Variants in NECAB2 observed in about 807,000 individuals in gnomAD.
The protein encoded by NECAB2 is N-terminal EF-hand calcium binding protein 2.
In NECAB2, 68 loss-of-function variants were observed where a neutral mutation model predicts 51.9. The observed-to-expected ratio is 1.31, with a 90% CI of 1.08 to 1.60. The LOEUF is 1.60. Among genes scored for constraint, NECAB2 ranks in the 40% most tolerant of loss-of-function variants. The pLI is 0.00. For synonymous variants in NECAB2, 329 were observed against 203.5 expected (o/e 1.62, Z -5.25); for missense variants, 854 against 490.3 (o/e 1.74, Z -7.00).
intron 4 of NECAB2, 62 bp downstream of exon 4, chr16:83,980,926 G>A (rs2084479200): frequency 3.7e-6 from 6 of 1,611,608 alleles, no homozygotes; most frequent in Non-Finnish European, 4.2e-6. Flanking sequence ...GATGAGAAGG[G>A]CCTGAGGCAG....
chr16:83,968,168 C>CG (rs1356504273), upstream of NECAB2, among the ~76,000 whole-genome samples: 1 of 151,330 alleles, frequency 6.6e-6, no homozygotes, highest in Non-Finnish European at 1.5e-5. Context: ...GACGGGGCCG[C>CG]GGGGCGTGGG....
intron 2 of NECAB2, among the ~76,000 whole-genome samples, chr16:83,974,544 A>C (rs2084383899): frequency 6.6e-6 from 1 of 152,204 alleles, no homozygotes; most frequent in Admixed American, 6.5e-5. Context: ...TCTGTTATGC[A>C]CCAGGACTTG....
At chr16:84,000,070 TTTA>T (rs1479683494) in intron 10 of NECAB2, among the ~76,000 whole-genome samples, 5 of 133,592 alleles carry the variant, frequency 3.7e-5, no homozygotes, top group African/African-American at 1.7e-4. Flanking sequence ...TTTTTTTTTT[TTTA>T]AAGAGACAGT....
chr16:83,980,567 C>A (rs1244025149), intron 3 of NECAB2, among the ~76,000 whole-genome samples: 1 of 152,132 alleles, frequency 6.6e-6, no homozygotes, highest in Non-Finnish European at 1.5e-5. Context: ...CCCAGCTTGG[C>A]CCTCCCCTTG....
chr16:83,965,932 C>T (rs117872227), upstream of NECAB2: 9,293 of 1,612,462 alleles, frequency 5.8e-3, 33 homozygotes, highest in Non-Finnish European at 7.1e-3. Flanking sequence ...GGGACAACTT[C>T]GTGAGGTTTG....
At chr16:83,971,049 G>A (rs951937851) in intron 1 of NECAB2, among the ~76,000 whole-genome samples, 1 of 151,666 alleles carries the variant, frequency 6.6e-6, no homozygotes, top group Non-Finnish European at 1.5e-5. Context: ...AGCCAAGATC[G>A]CGCCACTGCA....
At position 84,002,468 on chromosome 16, in the gene NECAB2, G is replaced by T. The variant is rs916189724; in HGVS notation, c.*122G>T. 1.3e-5 allele frequency: 18 copies of T among 1,348,070 alleles called. No individual in the cohort carries two copies. In the African/African-American group the frequency reaches 2.5e-4, roughly 19 times the overall value. The allele number at this position is 1,348,070 out of a possible 1,614,324, so 83.5% of individuals were successfully genotyped here. ...CTTTTCAATCCATCCTCCACAAGAAGGTGTTTCCCTGTTGTTAAGTGAAGG... is the reference window on the plus strand; with the variant it reads ...CTTTTCAATCCATCCTCCACAAGAATGTGTTTCCCTGTTGTTAAGTGAAGG... On this transcript the variant is annotated 3_prime_UTR_variant, in exon 13 of 13. Transcript: ENST00000305202.
At chr16:84,002,105 G>A (rs1266178268) in intron 12 of NECAB2, among the ~76,000 whole-genome samples, 189 bp downstream of exon 12, 5 of 152,138 alleles carry the variant, frequency 3.3e-5, no homozygotes, top group Non-Finnish European at 4.4e-5. Context: ...GCCAGAGCTT[G>A]CACCAGAGCA....
Position 84,001,887 on chromosome 16 carries a change from C to G in NECAB2, c.1103C>G (p.Pro368Arg), listed in dbSNP as rs746662101. ...GTCAAGGTGGACACACTGAGCCAGC[C>G]TGAGGCCCTCTCCAGGATCTTGGTG... The part of the protein sequence containing the change: ...RHVKVDTLSQ[P>R]EALSRILVPA... Residue 368 changes from proline (P) to arginine (R), a missense_variant, in exon 12 of 13, where the codon CCT (proline) becomes CGT (arginine). Physicochemically the swap from Pro to Arg is moderately radical, Grantham distance 103. Coordinates refer to ENST00000305202, the MANE Select transcript of NECAB2 (RefSeq NM_019065.3). The G allele has an allele frequency of 1.9e-6, 3 of 1,614,076 alleles. No individual in the cohort carries two copies. The highest frequency in any genetic ancestry group is 2.5e-6 in the Non-Finnish European group (3 of 1,179,936).
chr16:83,984,047 G>C (rs1456722414), intron 5 of NECAB2, among the ~76,000 whole-genome samples: 1 of 147,680 alleles, frequency 6.8e-6, no homozygotes, highest in African/African-American at 2.5e-5. Context: ...CCAGGCTGGA[G>C]TGCAGTGGCA....
At chr16:84,000,643 C>A in intron 10 of NECAB2, 81 bp from the exon 11 acceptor site, 2 of 1,246,286 alleles carry the variant, frequency 1.6e-6, no homozygotes, top group Non-Finnish European at 2.3e-6. Flanking sequence ...AGTGGTGGGT[C>A]TCAGGCCACC....
chr16:83,967,803 A>G (rs1597188233), upstream of NECAB2, among the ~76,000 whole-genome samples: 5 of 90,200 alleles, frequency 5.5e-5, no homozygotes, highest in South Asian at 2.3e-3. Flanking sequence ...GGGAGGGAGG[A>G]TGAGTGGGTG....
At chr16:83,973,847 G>C (rs1179171015) in intron 2 of NECAB2, among the ~76,000 whole-genome samples, 1 of 152,158 alleles carries the variant, frequency 6.6e-6, no homozygotes, top group Non-Finnish European at 1.5e-5. Context: ...CGTGTGTCCA[G>C]CGTGGGCCTC....
At chr16:83,965,288 G>T, upstream of NECAB2, 1 of 1,602,126 alleles carries the variant, frequency 6.2e-7, no homozygotes. Flanking sequence ...CTCGCTGTGG[G>T]CCCGCAACGT....
At chr16:84,001,335 C>T (rs1597234078) in intron 11 of NECAB2, among the ~76,000 whole-genome samples, 1 of 152,222 alleles carries the variant, frequency 6.6e-6, no homozygotes, top group East Asian at 1.9e-4. Flanking sequence ...GGAAGCGGGG[C>T]CTAGGGGTAG....
chr16:83,997,479 CTTTTTTTTT>C lies in NECAB2; in HGVS notation c.849+228_849+236del, dbSNP rs11296947. On this transcript the variant is annotated intron_variant, in intron 9 of 12. Coordinates refer to ENST00000305202, the MANE Select transcript of NECAB2 (RefSeq NM_019065.3). ...GGGTATTTCTTGAGGCTCCCTGGACCTTTTTTTTTTTTTTTTTTTTTTTTTTGAGATGGA... is the reference window on the plus strand; with the variant it reads ...GGGTATTTCTTGAGGCTCCCTGGACCTTTTTTTTTTTTTTTTTGAGATGGA... Among the ~76,000 whole-genome samples the C allele has an allele frequency of 7.2e-3, 386 of 53,310 alleles. 3 individuals carry two copies. The highest frequency in any genetic ancestry group is 0.022 in the African/African-American group (277 of 12,812). The allele number at this position is 53,310 out of a possible 152,430, so 35.0% of individuals were successfully genotyped here. A position where few individuals can be genotyped will look rare whatever the true frequency, so the allele number is the denominator to read the frequency against.
chr16:83,984,511 C>A (rs1053748692), intron 5 of NECAB2, among the ~76,000 whole-genome samples: 3 of 151,452 alleles, frequency 2.0e-5, no homozygotes, highest in African/African-American at 7.3e-5. Flanking sequence ...TCGCTTGAGC[C>A]CAGAAGTTCA....
upstream of NECAB2, chr16:83,965,479 C>G (rs769486922): frequency 6.2e-7 from 1 of 1,607,784 alleles, no homozygotes; most frequent in Non-Finnish European, 8.5e-7. Context: ...ACGCGGTCCT[C>G]TACGCCCGCC....
chr16:83,995,641 A>C (rs1181028250), intron 8 of NECAB2, among the ~76,000 whole-genome samples: 1 of 151,848 alleles, frequency 6.6e-6, no homozygotes, highest in African/African-American at 2.4e-5. Flanking sequence ...TGTTTCTCCT[A>C]CTTTTGTGTA....
Sources: gnomAD v4.1 joint callset for allele counts (sites outside exome capture counted in the v4.1 genomes callset) on GRCh38, gnomAD v4.1.1 for gene constraint, MANE v1.5 for transcripts, NCBI Gene and HGNC (gene_info 2026-07-23, HGNC 2026-07-21) for gene names.